The following PCGF2 variants were observed in gnomAD, a reference collection of about 807,000 sequenced individuals.
PCGF2 encodes polycomb group ring finger 2.
PCGF2 carries 8 observed loss-of-function variants against 36.1 expected under a neutral mutation model. The observed-to-expected ratio is 0.22, with a 90% confidence interval of 0.13 to 0.40. The LOEUF is 0.40. Among genes scored for constraint, PCGF2 ranks in the 10% least tolerant of loss-of-function variants. The pLI, the probability that PCGF2 is intolerant of heterozygous loss-of-function variation, is 1.00. For synonymous variants in PCGF2, 198 were observed against 191.2 expected, an observed-to-expected ratio of 1.04 and a Z score of -0.29; for missense variants, 436 against 475.9, an observed-to-expected ratio of 0.92 and a Z score of 0.78.
chr17:38,743,571 G>C (rs1907344960), intron 2 of PCGF2, among the ~76,000 whole-genome samples: 1 of 152,082 alleles, frequency 6.6e-6, no homozygotes, highest in Non-Finnish European at 1.5e-5. Context: ...TCCTTCTCCA[G>C]TTTAAGAAAA....
chr17:38,748,639 C>T (rs996332555), upstream of PCGF2, among the ~76,000 whole-genome samples: 4 of 152,100 alleles, frequency 2.6e-5, no homozygotes, highest in African/African-American at 9.7e-5. Context: ...GCAGTTAGCC[C>T]CCCTCCCTTC....
upstream of PCGF2, among the ~76,000 whole-genome samples, chr17:38,748,889 G>T (rs886559741): frequency 3.2e-4 from 49 of 152,084 alleles, no homozygotes; most frequent in African/African-American, 1.2e-3. Context: ...GGGCGAGCGT[G>T]TCCTCCCCAC....
chr17:38,739,538 G>A lies in PCGF2; in HGVS notation c.209+48C>T. The A allele has an allele frequency of 7.1e-7, 1 of 1,418,234 alleles. No individual in the cohort carries two copies. The highest frequency in any genetic ancestry group is 1.0e-6 in the Non-Finnish European group (1 of 1,001,196). The allele number at this position is 1,418,234 out of a possible 1,614,324, so 87.9% of individuals were successfully genotyped here. A position where few individuals can be genotyped will look rare whatever the true frequency, so the allele number is the denominator to read the frequency against. ...CACGGAGCGTGGGAGGGATGGGGGAGGCTGACCCAGAGGATCGCGGGGACA... is the reference window on the plus strand; with the variant it reads ...CACGGAGCGTGGGAGGGATGGGGGAAGCTGACCCAGAGGATCGCGGGGACA... On this transcript the variant is annotated intron_variant, in intron 4 of 10. Transcript: ENST00000620225. This position sits in a 1 kb window ranked among gnomAD's most constrained non-coding sequence, Gnocchi z 4.0.
Position 38,740,427 on chromosome 17 carries a change from A to T in PCGF2, c.-25T>A. The T allele has an allele frequency of 4.6e-6, 3 of 656,698 alleles. No homozygotes were observed. The highest frequency in any genetic ancestry group is 2.4e-5 in the Admixed American group (1 of 41,752). The allele number at this position is 656,698 out of a possible 1,614,324, so 40.7% of individuals were successfully genotyped here. A position where few individuals can be genotyped will look rare whatever the true frequency, so the allele number is the denominator to read the frequency against. ...TGATTCCGGGGTCGGGGGTGGGGGG[A>T]CTGGGGAGCGTTGCCCTGGGAAACG... is the stretch of plus-strand genomic sequence containing the variant. On this transcript the variant is annotated 5_prime_UTR_variant, in exon 3 of 11. Coordinates refer to ENST00000620225, the MANE Select transcript of PCGF2 (RefSeq NM_007144.3).
In PCGF2 at chr17:38,740,371, T is replaced by C; in HGVS notation, c.32A>G (p.Glu11Gly). Residue 11 changes from glutamate to glycine, a missense_variant, in exon 3 of 11, where the codon GAG becomes GGG. Coordinates refer to ENST00000620225, the MANE Select transcript of PCGF2 (RefSeq NM_007144.3). MHRTTRIKIT[E>G]LNPHLMCALC... ...GGCACACATGAGGTGGGGGTTCAGC[T>C]CTGTGATTTTGATCCGTGTAGTCCG... is the stretch of plus-strand genomic sequence containing the variant. The C allele has an allele frequency of 7.0e-7, 1 of 1,427,480 alleles. No individual in the cohort carries two copies. Among genetic ancestry groups the C allele is most frequent in the Non-Finnish European group, 9.4e-7 (1 of 1,063,726 alleles). The allele number at this position is 1,427,480 out of a possible 1,614,324, so 88.4% of individuals were successfully genotyped here. A position where few individuals can be genotyped will look rare whatever the true frequency, so the allele number is the denominator to read the frequency against.
intron 2 of PCGF2, among the ~76,000 whole-genome samples, chr17:38,747,571 GGGCGCC>G (rs1279860951): frequency 2.6e-5 from 4 of 151,990 alleles, no homozygotes; most frequent in Non-Finnish European, 5.9e-5. Context: ...GGAGGGGGCG[GGGCGCC>G]GGCGCCGGGA....
At chr17:38,736,686 T>C (rs1348207942) in intron 9 of PCGF2, among the ~76,000 whole-genome samples, 1 of 151,700 alleles carries the variant, frequency 6.6e-6, no homozygotes, top group African/African-American at 2.4e-5. Flanking sequence ...TACAAAAAAT[T>C]AGCTGGGCGT....
chr17:38,744,265 GA>G (rs1166363047), intron 2 of PCGF2, among the ~76,000 whole-genome samples: 7 of 152,122 alleles, frequency 4.6e-5, no homozygotes, highest in African/African-American at 1.7e-4. Flanking sequence ...ATCCAACCCC[GA>G]CCCCTCTTTG....
chr17:38,743,802 C>T lies in PCGF2; in HGVS notation c.-40-3360G>A, dbSNP rs116295065. ...CTCCCCACCCCAGGAGGCCCCAGGCCGCGAATTCCTGATACCCAGTTCCTC... is the reference window on the plus strand; with the variant it reads ...CTCCCCACCCCAGGAGGCCCCAGGCTGCGAATTCCTGATACCCAGTTCCTC... On this transcript the variant is annotated intron_variant, in intron 2 of 10. Coordinates refer to ENST00000620225, the MANE Select transcript of PCGF2 (RefSeq NM_007144.3). Among the ~76,000 whole-genome samples, 206 of 152,242 alleles carry T rather than the reference C, an allele frequency of 1.4e-3. 1 individual carries two copies. Among genetic ancestry groups the T allele is most frequent in the African/African-American group, 4.8e-3 (199 of 41,536 alleles).
At chr17:38,746,554 G>A (rs2143156621) in intron 2 of PCGF2, 1 of 152,604 alleles carries the variant, frequency 6.6e-6, no homozygotes, top group African/African-American at 2.4e-5. Context: ...AGTCCGCTCT[G>A]GGGACCAGAG....
At chr17:38,741,010 A>G (rs1907168519) in intron 2 of PCGF2, among the ~76,000 whole-genome samples, 1 of 152,206 alleles carries the variant, frequency 6.6e-6, no homozygotes, top group African/African-American at 2.4e-5. Context: ...GAAAGACTGA[A>G]GTTAGGCCAC....
At chr17:38,736,726 C>T (rs528777816) in intron 9 of PCGF2, among the ~76,000 whole-genome samples, 136 of 152,124 alleles carry the variant, frequency 8.9e-4, no homozygotes, top group Admixed American at 1.6e-3. Flanking sequence ...CCCAGCTACT[C>T]GGGAGGCTGA....
In PCGF2 at chr17:38,735,538, C is replaced by A; in HGVS notation, c.720G>T (p.Thr240=). ...QPACKRLTLA[T]VPTPSEGTNT... The stretch of plus-strand genomic sequence containing the variant: ...TGGTGCCCTCGGAGGGGGTGGGCAC[C>A]GTGGCTAGGGTGAGCCGCTTGCAGG... Residue 240 remains threonine (T), a synonymous_variant, in exon 11 of 11, where the codon ACG becomes ACT. Transcript: ENST00000620225. 1 of 1,588,172 alleles carries A rather than the reference C, an allele frequency of 6.3e-7. No homozygotes were observed. Among genetic ancestry groups the A allele is most frequent in the African/African-American group, 1.3e-5 (1 of 74,336 alleles).
At chr17:38,743,025 G>T (rs1206622948) in intron 2 of PCGF2, among the ~76,000 whole-genome samples, 2 of 151,268 alleles carry the variant, frequency 1.3e-5, no homozygotes, top group Non-Finnish European at 2.9e-5. Context: ...TGTAGGCTCC[G>T]CACACTTCAC....
chr17:38,746,738 AGCTACACATGGTCT>A (rs1170801312), intron 2 of PCGF2: 49 of 152,260 alleles, frequency 3.2e-4, no homozygotes, highest in African/African-American at 1.2e-3. Flanking sequence ...AACCCTACCT[AGCTACACATGGTCT>A]GGATCCTGGG....
In PCGF2 at chr17:38,738,740, G is replaced by T; in HGVS notation, c.425+13C>A. 3 of 1,606,126 alleles carry T rather than the reference G, an allele frequency of 1.9e-6. No homozygotes were observed. The highest frequency in any genetic ancestry group is 2.6e-6 in the Non-Finnish European group (3 of 1,172,774). ...CTAGGAACCCAGAAGGGGCCAGCCT[G>T]GGCCAGACTTGCCTGGCACCTTCGT... On this transcript the variant is annotated intron_variant, in intron 7 of 10. Transcript: ENST00000620225.
Position 38,734,078 on chromosome 17 carries a change from C to T in PCGF2, c.*1145G>A, listed in dbSNP as rs1407485251. Reference sequence around the variant, plus strand: ...TCGAGTCTCGACTCCCGACTCCTCTCAGATCTATGCACACTTGAGGAAATC... The same window carrying T: ...TCGAGTCTCGACTCCCGACTCCTCTTAGATCTATGCACACTTGAGGAAATC... On this transcript the variant is annotated 3_prime_UTR_variant, in exon 11 of 11. Coordinates refer to ENST00000620225, the MANE Select transcript of PCGF2 (RefSeq NM_007144.3). The T allele has an allele frequency of 6.6e-6, 1 of 152,160 alleles. No individual in the cohort carries two copies. Among genetic ancestry groups the T allele is most frequent in the Non-Finnish European group, 1.5e-5 (1 of 68,092 alleles). 9.4% of individuals were successfully genotyped at this position (152,160 alleles called of 1,614,324 possible).
rs1374779710 is a variant in PCGF2, at chr17:38,738,581, T to G, written c.440A>C (p.Lys147Thr). ...ATCCCCATTCTCCAGGGGGCCCTTC[T>G]TCTCGTCCCGGTCCCTGGGGACGGA... is the stretch of plus-strand genomic sequence containing the variant. The part of the protein sequence containing the change: ...FYEGARDRDE[K>T]KGPLENGDGD... The change falls in exon 8 of 11, where the codon AAG becomes ACG. Residue 147 changes from lysine to threonine, a missense_variant. By Grantham distance (78) the Lys-to-Thr change is moderately conservative. Around this residue, in one of 3 missense-constraint regions of PCGF2, gnomAD observed 189 missense variants for 219.3 expected, o/e 0.86. Transcript: ENST00000620225. 1 of 1,581,498 alleles carries G rather than the reference T, an allele frequency of 6.3e-7. No homozygotes were observed. The highest frequency in any genetic ancestry group is 2.2e-5 in the East Asian group (1 of 44,570).
At chr17:38,744,001 T>C (rs554241186) in intron 2 of PCGF2, among the ~76,000 whole-genome samples, 1 of 152,260 alleles carries the variant, frequency 6.6e-6, no homozygotes, top group South Asian at 2.1e-4. Context: ...CAAGCACCAT[T>C]GGAAGTGGCC....
Sources: allele counts gnomAD v4.1 joint callset (sites outside exome capture counted in the v4.1 genomes callset), GRCh38; gene constraint gnomAD v4.1.1; regional missense constraint gnomAD v4.1.1; non-coding constraint Gnocchi (gnomAD v3.1); transcripts MANE v1.5; gene names NCBI Gene and HGNC (gene_info 2026-07-23, HGNC 2026-07-21).